The following FRMD5 variants were observed in gnomAD, a reference collection of about 807,000 sequenced individuals.
The protein encoded by FRMD5 is FERM domain-containing protein 5.
In FRMD5, 20 loss-of-function variants were observed where a neutral mutation model predicts 69.0. The ratio of observed to expected loss-of-function variants is 0.29; its 90% CI spans 0.20 to 0.42. FRMD5 has a LOEUF of 0.42. Ranked by LOEUF, FRMD5 falls within the 10% of genes least tolerant of loss-of-function variation. The probability of loss-of-function intolerance (pLI) is 1.00; values close to 1 mark genes in which losing one functional copy is unlikely to be tolerated. For synonymous variants in FRMD5, 271 were observed against 260.1 expected (o/e 1.04, Z -0.40); for missense variants, 595 against 708.6 (o/e 0.84, Z 1.82).
At chr15:44,174,391 T>C (rs1261708341) in intron 1 of FRMD5, among the ~76,000 whole-genome samples, 1 of 152,194 alleles carries the variant, frequency 6.6e-6, no homozygotes, top group Non-Finnish European at 1.5e-5. Context: ...CAAAATACAA[T>C]GTCTGTTTCC....
chr15:44,120,270 A>T (rs1410044185), intron 1 of FRMD5, among the ~76,000 whole-genome samples: 4 of 152,214 alleles, frequency 2.6e-5, no homozygotes, highest in Admixed American at 2.6e-4. Flanking sequence ...ATAGGAAAGA[A>T]CTGTCTAGAG....
At chr15:43,950,458 G>C (rs537825496) in intron 1 of FRMD5, among the ~76,000 whole-genome samples, 1 of 152,160 alleles carries the variant, frequency 6.6e-6, no homozygotes, top group African/African-American at 2.4e-5. Context: ...ACAAGTCCTT[G>C]GGGATGATGA....
intron 1 of FRMD5, among the ~76,000 whole-genome samples, chr15:44,155,010 T>C (rs564035665): frequency 1.3e-5 from 2 of 152,268 alleles, no homozygotes; most frequent in Admixed American, 6.5e-5. Context: ...TATAAAAAGA[T>C]ACTCAATATC....
chr15:44,121,567 C>G (rs145337956), intron 1 of FRMD5, among the ~76,000 whole-genome samples: 152 of 151,920 alleles, frequency 1.0e-3, no homozygotes, highest in African/African-American at 3.5e-3. Flanking sequence ...CTCTCAAGCT[C>G]GAGGTTTCTC....
chr15:44,025,522 CTGAG>C (rs1355560130), intron 1 of FRMD5, among the ~76,000 whole-genome samples: 4 of 152,110 alleles, frequency 2.6e-5, no homozygotes, highest in African/African-American at 9.7e-5. Flanking sequence ...ATAGGAACAA[CTGAG>C]TAAGTCAACA....
At position 43,874,034 on chromosome 15, in the gene FRMD5, G is replaced by A; in HGVS notation, c.1564C>T (p.Leu522Phe). The part of the protein sequence containing the change: ...LFVLLLLLII[L>F]TESDLDIAFF... ...GCAATGTCAAGGTCAGACTCGGTAA[G>A]GATGATCAGGAGGAGGAGCAAAACA... The change falls in exon 14 of 14, where the codon CTT becomes TTT. Residue 522 changes from leucine to phenylalanine, a missense_variant. Around this residue, in one of 5 missense-constraint regions of FRMD5, gnomAD observed 245 missense variants for 227.1 expected, o/e 1.08. Transcript: ENST00000417257. 2 of 1,614,240 alleles carry A rather than the reference G, an allele frequency of 1.2e-6. No homozygotes were observed. The highest frequency in any genetic ancestry group is 1.6e-4 in the Middle Eastern group (1 of 6,062).
chr15:44,095,660 TCTC>T (rs1176489374), intron 1 of FRMD5, among the ~76,000 whole-genome samples: 1 of 152,154 alleles, frequency 6.6e-6, no homozygotes, highest in African/African-American at 2.4e-5. Flanking sequence ...TGTTCTGGCT[TCTC>T]CTCAAATGTA....
At chr15:44,199,363 C>A (rs2078327295), upstream of FRMD5, among the ~76,000 whole-genome samples, 1 of 152,222 alleles carries the variant, frequency 6.6e-6, no homozygotes, top group African/African-American at 2.4e-5. Context: ...GTTCATGTGG[C>A]TGAAGATAGC....
At chr15:43,971,290 A>G (rs1178015244) in intron 1 of FRMD5, among the ~76,000 whole-genome samples, 1 of 151,998 alleles carries the variant, frequency 6.6e-6, no homozygotes, top group African/African-American at 2.4e-5. Context: ...AAAATAAAAA[A>G]TTTTCAAGGT....
intron 1 of FRMD5, among the ~76,000 whole-genome samples, chr15:43,972,504 A>C (rs1377781449): frequency 6.6e-6 from 1 of 152,164 alleles, no homozygotes; most frequent in Non-Finnish European, 1.5e-5. Context: ...TTCTATATCT[A>C]GTAGATCTGG....
At chr15:44,077,488 A>G (rs1893817709) in intron 1 of FRMD5, among the ~76,000 whole-genome samples, 1 of 152,164 alleles carries the variant, frequency 6.6e-6, no homozygotes, top group East Asian at 1.9e-4. Context: ...CTGCAAGATT[A>G]AAAAAGAAGA....
chr15:44,181,924 T>C (rs1234623431), intron 1 of FRMD5, among the ~76,000 whole-genome samples: 2 of 151,788 alleles, frequency 1.3e-5, no homozygotes, highest in Admixed American at 6.6e-5. Context: ...AAACAAATAA[T>C]ATCACCATAT....
intron 1 of FRMD5, among the ~76,000 whole-genome samples, chr15:43,969,212 G>C (rs894848235): frequency 4.6e-5 from 7 of 151,608 alleles, no homozygotes; most frequent in African/African-American, 1.7e-4. Flanking sequence ...CTCCTGAGTA[G>C]CTGGGACTAC....
At chr15:44,150,828 A>C (rs1012074432) in intron 1 of FRMD5, among the ~76,000 whole-genome samples, 4 of 152,148 alleles carry the variant, frequency 2.6e-5, no homozygotes, top group African/African-American at 4.8e-5. Context: ...GCCGTGGCCC[A>C]CGTCTGTAAT....
chr15:43,940,482 A>T (rs1243658992), intron 1 of FRMD5, among the ~76,000 whole-genome samples: 5 of 152,216 alleles, frequency 3.3e-5, no homozygotes, highest in Non-Finnish European at 5.9e-5. Context: ...TAAGAGAGGT[A>T]TGTACAAGGT....
chr15:43,984,723 C>A (rs932283565), intron 1 of FRMD5, among the ~76,000 whole-genome samples: 1 of 152,196 alleles, frequency 6.6e-6, no homozygotes, highest in Non-Finnish European at 1.5e-5. Flanking sequence ...GTGGCTCACG[C>A]CTGTAATCCC....
intron 1 of FRMD5, among the ~76,000 whole-genome samples, chr15:44,189,252 C>A (rs1475046893): frequency 1.3e-5 from 2 of 152,084 alleles, no homozygotes; most frequent in Admixed American, 6.6e-5. Flanking sequence ...AGAAATAATA[C>A]AACAATTACA....
chr15:44,072,371 C>A (rs1357403277), intron 1 of FRMD5, among the ~76,000 whole-genome samples: 1 of 152,200 alleles, frequency 6.6e-6, no homozygotes, highest in Non-Finnish European at 1.5e-5. Context: ...ACCCACTCCA[C>A]ACTACCATAT....
intron 1 of FRMD5, among the ~76,000 whole-genome samples, chr15:44,004,319 T>C (rs1890341171): frequency 6.6e-6 from 1 of 152,224 alleles, no homozygotes; most frequent in African/African-American, 2.4e-5. Context: ...CCTCATTTTA[T>C]TGTGCTTCAC....
Sources: gnomAD v4.1 joint callset for allele counts (sites outside exome capture counted in the v4.1 genomes callset) on GRCh38, gnomAD v4.1.1 for gene constraint, gnomAD v4.1.1 regional missense constraint, MANE v1.5 for transcripts, NCBI Gene and HGNC (gene_info 2026-07-23, HGNC 2026-07-21) for gene names.